RFTN1: variants seen among roughly 807,000 people sequenced by gnomAD.
The protein encoded by RFTN1 is raftlin, lipid raft linker 1.
Under a neutral mutation model 46.5 loss-of-function variants are expected in RFTN1, and 26 were observed. The observed-to-expected ratio is 0.56, with a 90% confidence interval of 0.41 to 0.78. RFTN1 has a LOEUF of 0.78. RFTN1 is among the 30% of genes least tolerant of loss of function. The pLI is 0.00. For missense variants in RFTN1, 693 were observed against 718.7 expected (o/e 0.96, Z 0.41); for synonymous variants, 261 against 284.2 (o/e 0.92, Z 0.82).
chr3:16,473,101 C>T lies in RFTN1; in HGVS notation c.145+20624G>A, dbSNP rs1477333218. ...CCATTTAGATTTTCTGAGGAAGTGA[C>T]TTTGGACAACCATGGTGTACACACA... On this transcript the variant is annotated intron_variant, in intron 2 of 9. Transcript: ENST00000334133. This position sits in a 1 kb window ranked among gnomAD's most constrained non-coding sequence, Gnocchi z 5.3. Among the ~76,000 whole-genome samples, 2 of 152,232 alleles carry T rather than the reference C, an allele frequency of 1.3e-5. No homozygotes were observed. The highest frequency in any genetic ancestry group is 4.1e-4 in the South Asian group (2 of 4,832).
In RFTN1 at chr3:16,493,838, C is replaced by A; in HGVS notation, c.32G>T (p.Arg11Leu). 1 of 1,614,156 alleles carries A rather than the reference C, an allele frequency of 6.2e-7. No individual in the cohort carries two copies. The highest frequency in any genetic ancestry group is 8.5e-7 in the Non-Finnish European group (1 of 1,180,034). Residue 11 changes from arginine (R) to leucine (L), a missense_variant, in exon 2 of 10, where the codon CGT becomes CTT. Transcript: ENST00000334133. ...AATATTCCCAGGCCGTTTTTCATCA[C>A]GTTTCTCTAACTTGTTCAATCCGCA... MGCGLNKLEK[R>L]DEKRPGNIYS...
At position 16,474,303 on chromosome 3, in the gene RFTN1, C is replaced by T. The variant is rs1378725727; in HGVS notation, c.145+19422G>A. On this transcript the variant is annotated intron_variant, in intron 2 of 9. Coordinates refer to ENST00000334133, the MANE Select transcript of RFTN1 (RefSeq NM_015150.2). This position sits in a 1 kb window ranked among gnomAD's most constrained non-coding sequence, Gnocchi z 5.5. The stretch of plus-strand genomic sequence containing the variant: ...AGAGCAAATGAGAGAGATGGGTCTC[C>T]CAGCAAATCTGCAGGCCTCAGCCCA... Among the ~76,000 whole-genome samples the T allele has an allele frequency of 1.3e-5, 2 of 152,170 alleles. No homozygotes were observed. The highest frequency in any genetic ancestry group is 4.8e-5 in the African/African-American group (2 of 41,442).
chr3:16,485,873 G>A (rs2076439770), intron 2 of RFTN1, among the ~76,000 whole-genome samples: 1 of 152,228 alleles, frequency 6.6e-6, no homozygotes, highest in African/African-American at 2.4e-5. Flanking sequence ...GATAAGCTTT[G>A]AGTGGAAAGA....
rs2076354023 is a variant in RFTN1 at position 16,480,845 on chromosome 3, G to T, written c.145+12880C>A. On this transcript the variant is annotated intron_variant, in intron 2 of 9. Coordinates refer to ENST00000334133, the MANE Select transcript of RFTN1 (RefSeq NM_015150.2). The surrounding 1 kb of genome is among the most constrained non-coding windows in gnomAD (Gnocchi z 4.3). ...ATAACAATTATTACCACTACCTCAA[G>T]GCTGCTTTTATGAATCCCTGCAGAA... 6.6e-6 allele frequency among the ~76,000 whole-genome samples: 1 copy of T among 152,144 alleles called. No homozygotes were observed. Among genetic ancestry groups the T allele is most frequent in the African/African-American group, 2.4e-5 (1 of 41,420 alleles).
chr3:16,411,687 C>G (rs947377028), intron 3 of RFTN1, among the ~76,000 whole-genome samples: 9 of 152,108 alleles, frequency 5.9e-5, no homozygotes, highest in African/African-American at 2.2e-4. Context: ...AAGACTTGGT[C>G]AAGACACACT....
rs549603153 is a variant in RFTN1 at position 16,488,713 on chromosome 3, A to G, written c.145+5012T>C. Among the ~76,000 whole-genome samples the G allele has an allele frequency of 6.2e-4, 95 of 152,310 alleles. 1 individual carries two copies. Among genetic ancestry groups the G allele is most frequent in the Non-Finnish European group, 1.1e-3 (73 of 68,028 alleles). On this transcript the variant is annotated intron_variant, in intron 2 of 9. Coordinates refer to ENST00000334133, the MANE Select transcript of RFTN1 (RefSeq NM_015150.2). ...GATGCCCAAGATTCTAGAATTCTAT[A>G]TTCGAATTCTTCCCCCAACCACTTC...
At chr3:16,464,259 A>G (rs1174243778) in intron 2 of RFTN1, among the ~76,000 whole-genome samples, 2 of 152,146 alleles carry the variant, frequency 1.3e-5, no homozygotes, top group Non-Finnish European at 2.9e-5. Context: ...ATTCCGTCCA[A>G]GCAAAGCCCA....
intron 6 of RFTN1, among the ~76,000 whole-genome samples, chr3:16,362,010 C>G (rs777065187): frequency 1.3e-5 from 2 of 152,186 alleles, no homozygotes; most frequent in Non-Finnish European, 2.9e-5. Flanking sequence ...GTTTGTTACA[C>G]AGAATTATTG....
At chr3:16,355,685 T>C (rs963791275) in intron 7 of RFTN1, among the ~76,000 whole-genome samples, 9 of 152,236 alleles carry the variant, frequency 5.9e-5, no homozygotes, top group Admixed American at 5.9e-4. Flanking sequence ...CAGAATCTCC[T>C]GCAGGGCCTG....
intron 3 of RFTN1, among the ~76,000 whole-genome samples, chr3:16,420,176 G>C (rs1047626652): frequency 4.6e-5 from 7 of 152,136 alleles, no homozygotes; most frequent in African/African-American, 1.7e-4. Flanking sequence ...GGTGCTCCCT[G>C]TCTAATGGAG....
At position 16,434,168 on chromosome 3, in the gene RFTN1, T is replaced by C. The variant is rs181254135; in HGVS notation, c.146-131A>G. The C allele has an allele frequency of 5.2e-5, 39 of 752,908 alleles. No homozygotes were observed. The African/African-American group carries it at 6.2e-4, about 12-fold the overall frequency. The allele number at this position is 752,908 out of a possible 1,614,324, so 46.6% of individuals were successfully genotyped here. On this transcript the variant is annotated intron_variant, in intron 2 of 9. Coordinates refer to ENST00000334133, the MANE Select transcript of RFTN1 (RefSeq NM_015150.2). Reference sequence around the variant, plus strand: ...GCTAAAATGAGTTTGTCCCAGTTTTTACTGTCTTCAAACAGACTTTATAAG... The same window carrying C: ...GCTAAAATGAGTTTGTCCCAGTTTTCACTGTCTTCAAACAGACTTTATAAG...
At chr3:16,392,423 G>C (rs2074373584) in intron 4 of RFTN1, among the ~76,000 whole-genome samples, 1 of 152,108 alleles carries the variant, frequency 6.6e-6, no homozygotes, top group African/African-American at 2.4e-5. Flanking sequence ...TCCCAGACAG[G>C]AGGTGTCACC....
rs201482272 is a variant in RFTN1 at position 16,377,844 on chromosome 3, C to T, written c.700G>A (p.Ala234Thr). Reference sequence around the variant, plus strand: ...CCGGAGGGTGAGCTGGGCTGCTTGGCGAGGGGCACCTCCCCTCTGGGGCCT... The same window carrying T: ...CCGGAGGGTGAGCTGGGCTGCTTGGTGAGGGGCACCTCCCCTCTGGGGCCT... ...SSGPRGEVPLAKQPSSPSGEG... is the reference protein window; with the variant it reads ...SSGPRGEVPLTKQPSSPSGEG... Residue 234 changes from alanine to threonine, a missense_variant, in exon 5 of 10, where the codon GCC (alanine) becomes ACC (threonine). By Grantham distance (58) the Ala-to-Thr change is moderately conservative. Transcript: ENST00000334133. 249 of 1,614,196 alleles carry T rather than the reference C, an allele frequency of 1.5e-4. 2 individuals are homozygous for T. Among genetic ancestry groups the T allele is most frequent in the South Asian group, 1.4e-3 (128 of 91,090 alleles).
At chr3:16,360,174 CTT>C (rs201914116) in intron 6 of RFTN1, among the ~76,000 whole-genome samples, 2 of 146,062 alleles carry the variant, frequency 1.4e-5, no homozygotes, top group Non-Finnish European at 1.5e-5. Flanking sequence ...ATTGCAGTTT[CTT>C]TTTTTTTTTG....
In RFTN1 at chr3:16,353,598, A is replaced by G. The variant is rs563848116; in HGVS notation, c.1146+4334T>C. On this transcript the variant is annotated intron_variant, in intron 7 of 9. Coordinates refer to ENST00000334133, the MANE Select transcript of RFTN1 (RefSeq NM_015150.2). The surrounding 1 kb of genome is among the most constrained non-coding windows in gnomAD (Gnocchi z 5.4). ...ACTAAATGTTTTCTATCCTCCCACA[A>G]TGCGTATGTTGAGGCTCCAAGCCCT... Among the ~76,000 whole-genome samples the G allele has an allele frequency of 6.6e-6, 1 of 152,278 alleles. No homozygotes were observed. The highest frequency in any genetic ancestry group is 1.9e-4 in the East Asian group (1 of 5,186).
chr3:16,432,924 C>T (rs2075421597), intron 3 of RFTN1, among the ~76,000 whole-genome samples: 1 of 152,164 alleles, frequency 6.6e-6, no homozygotes, highest in South Asian at 2.1e-4. Context: ...AGACACGCAA[C>T]CTCATGCCTC....
rs35510968 is a variant in RFTN1, at chr3:16,327,761, CAAAA to C, written c.1147-889_1147-886del. Among the ~76,000 whole-genome samples, 2 of 145,672 alleles carry C rather than the reference CAAAA, an allele frequency of 1.4e-5. No individual in the cohort carries two copies. The highest frequency in any genetic ancestry group is 2.0e-4 in the East Asian group (1 of 4,898). ...GGGTGACAGAGCGGGATTCCCATCT[CAAAA>C]AAAAAAACAAAACGAAAAAAACTTC... is the stretch of plus-strand genomic sequence containing the variant. On this transcript the variant is annotated intron_variant, in intron 7 of 9. Transcript: ENST00000334133. This position sits in a 1 kb window ranked among gnomAD's most constrained non-coding sequence, Gnocchi z 4.2.
At position 16,377,818 on chromosome 3, in the gene RFTN1, T is replaced by C. The variant is rs1224168220; in HGVS notation, c.726A>G (p.Gly242=). 1 of 1,614,134 alleles carries C rather than the reference T, an allele frequency of 6.2e-7. No homozygotes were observed. Residue 242 remains glycine, a synonymous_variant, in exon 5 of 10, where the codon GGA becomes GGG. Transcript: ENST00000334133. ...GTGAAAGTTCTCCACCATCTCCCTC[T>C]CCGGAGGGTGAGCTGGGCTGCTTGG... ...PLAKQPSSPS[G]EGDGGELSPQ...
intron 4 of RFTN1, 24 bp from the exon 5 acceptor site, chr3:16,378,126 G>C (rs200513780): frequency 4.4e-6 from 7 of 1,590,158 alleles, no homozygotes; most frequent in Non-Finnish European, 6.0e-6. Flanking sequence ...AAAAGGAAGG[G>C]AAACAAGTGA....
Sources: allele counts gnomAD v4.1 joint callset (sites outside exome capture counted in the v4.1 genomes callset), GRCh38; gene constraint gnomAD v4.1.1; non-coding constraint Gnocchi (gnomAD v3.1); transcripts MANE v1.5; gene names NCBI Gene and HGNC (gene_info 2026-07-23, HGNC 2026-07-21).